The following PLD6 variants were observed in gnomAD, a reference collection of about 807,000 sequenced individuals.
PLD6 encodes the protein mitochondrial cardiolipin hydrolase.
In PLD6, 10 loss-of-function variants were observed where a neutral mutation model predicts 9.7. The observed-to-expected ratio is 1.03, with a 90% CI of 0.64 to 1.75. The LOEUF (loss-of-function observed/expected upper bound fraction) is 1.75. Among genes scored for constraint, PLD6 ranks in the 40% most tolerant of loss-of-function variants. The probability of loss-of-function intolerance (pLI) is 0.00; values close to 1 mark genes in which losing one functional copy is unlikely to be tolerated. For missense variants in PLD6, 334 were observed against 347.6 expected, an observed-to-expected ratio of 0.96 and a Z score of 0.31; for synonymous variants, 152 against 159.2, an observed-to-expected ratio of 0.96 and a Z score of 0.34.
Position 17,202,357 on chromosome 17 carries a change from A to C in PLD6, c.*410T>G. On this transcript the variant is annotated 3_prime_UTR_variant, in exon 2 of 2. Coordinates refer to ENST00000321560, the MANE Select transcript of PLD6 (RefSeq NM_178836.4). ...GGCCCCAACCAACCCCAGTCGTGCC[A>C]CATGGAGAGAGGGATGAAATCTCAG... 5.1e-6 allele frequency: 1 copy of C among 195,986 alleles called. No homozygotes were observed. Among genetic ancestry groups the C allele is most frequent in the Non-Finnish European group, 1.1e-5 (1 of 93,330 alleles). The allele number at this position is 195,986 out of a possible 1,614,324, so 12.1% of individuals were successfully genotyped here. A position where few individuals can be genotyped will look rare whatever the true frequency, so the allele number is the denominator to read the frequency against.
chr17:17,205,758 C>T, intron 1 of PLD6, 102 bp downstream of exon 1: 1 of 1,352,514 alleles, frequency 7.4e-7, no homozygotes, highest in Non-Finnish European at 1.0e-6. Flanking sequence ...TAAATGAGGC[C>T]TCAGCCCGTC....
chr17:17,202,802 T>C lies in PLD6; in HGVS notation c.724A>G (p.Arg242Gly). ...RAGGRLLSWH[R>G]TCGTSSESQT ...CTTTCGCTGGAGGTGCCGCAAGTTC[T>C]GTGCCATGAAAGCAATCTCCCTCCA... is the stretch of plus-strand genomic sequence containing the variant. The change falls in exon 2 of 2, where the codon AGA becomes GGA. Residue 242 changes from arginine (R) to glycine (G), a missense_variant. Arg to Gly is a moderately radical substitution (Grantham distance 125). Coordinates refer to ENST00000321560, the MANE Select transcript of PLD6 (RefSeq NM_178836.4). 1 of 1,614,184 alleles carries C rather than the reference T, an allele frequency of 6.2e-7. No individual in the cohort carries two copies. Among genetic ancestry groups the C allele is most frequent in the Non-Finnish European group, 8.5e-7 (1 of 1,180,032 alleles).
At position 17,201,463 on chromosome 17, in the gene PLD6, G is replaced by A. The variant is rs945905810; in HGVS notation, c.*1304C>T. On this transcript the variant is annotated 3_prime_UTR_variant, in exon 2 of 2. Transcript: ENST00000321560. ...TAACCTGGAACATTTCACAGTGTAC[G>A]ACACCTGTTCTACCTGGGAATGCAA... 5 of 152,192 alleles carry A rather than the reference G, an allele frequency of 3.3e-5. No homozygotes were observed. Among genetic ancestry groups the A allele is most frequent in the Admixed American group, 6.5e-5 (1 of 15,274 alleles). 9.4% of individuals were successfully genotyped at this position (152,192 alleles called of 1,614,324 possible). A position where few individuals can be genotyped will look rare whatever the true frequency, so the allele number is the denominator to read the frequency against.
At chr17:17,204,729 G>C (rs1022111097) in intron 1 of PLD6, among the ~76,000 whole-genome samples, 1 of 152,212 alleles carries the variant, frequency 6.6e-6, no homozygotes, top group Non-Finnish European at 1.5e-5. Flanking sequence ...CAAACCTCCC[G>C]TTAAAATGAC....
rs12946521 is a variant in PLD6 at position 17,206,294 on chromosome 17, C to T, written c.-8G>A. On this transcript the variant is annotated 5_prime_UTR_variant, in exon 1 of 2. Coordinates refer to ENST00000321560, the MANE Select transcript of PLD6 (RefSeq NM_178836.4). ...CCAACTCAACCGTCCCATGCCGCCG[C>T]TAATCCGGGACCCACAGCCACGCCG... 2 of 1,525,092 alleles carry T rather than the reference C, an allele frequency of 1.3e-6. No homozygotes were observed. Among genetic ancestry groups the T allele is most frequent in the Non-Finnish European group, 1.7e-6 (2 of 1,147,532 alleles). 94.5% of individuals were successfully genotyped at this position (1,525,092 alleles called of 1,614,324 possible).
rs764739912 is a variant in PLD6 at position 17,202,830 on chromosome 17, T to C, written c.696A>G (p.Arg232=). Residue 232 remains arginine (R), a synonymous_variant, in exon 2 of 2, where the codon AGA becomes AGG. Transcript: ENST00000321560. The part of the protein sequence containing the change: ...SHGSCAPPVS[R]AGGRLLSWHR... The stretch of plus-strand genomic sequence containing the variant: ...GCCATGAAAGCAATCTCCCTCCAGC[T>C]CTGGAGACAGGTGGGGCACAGCTTC... 2 of 1,614,182 alleles carry C rather than the reference T, an allele frequency of 1.2e-6. No individual in the cohort carries two copies. Among genetic ancestry groups the C allele is most frequent in the Non-Finnish European group, 1.7e-6 (2 of 1,180,032 alleles).
intron 1 of PLD6, among the ~76,000 whole-genome samples, chr17:17,203,621 AC>A (rs565708739): frequency 1.3e-5 from 2 of 151,690 alleles, no homozygotes; most frequent in Non-Finnish European, 2.9e-5. Flanking sequence ...CCTCTTCCGC[AC>A]CCCCCTGCTT....
intron 1 of PLD6, among the ~76,000 whole-genome samples, chr17:17,204,099 T>C (rs1400420193): frequency 6.6e-6 from 1 of 151,992 alleles, no homozygotes; most frequent in Non-Finnish European, 1.5e-5. Flanking sequence ...CTCCACACGG[T>C]GGGCAATGTA....
rs1441801051 is a variant in PLD6 at position 17,201,018 on chromosome 17, TCAGATGTGC to T, written c.*1740_*1748del. On this transcript the variant is annotated 3_prime_UTR_variant, in exon 2 of 2. Transcript: ENST00000321560. ...CATTCCAGAATAAGAACATGTTTAT[TCAGATGTGC>T]CAGAAGTCCAGGGTCACGCGGCTTC... 1 of 152,218 alleles carries T rather than the reference TCAGATGTGC, an allele frequency of 6.6e-6. No individual in the cohort carries two copies. The highest frequency in any genetic ancestry group is 1.9e-4 in the East Asian group (1 of 5,200). The allele number at this position is 152,218 out of a possible 1,614,324, so 9.4% of individuals were successfully genotyped here. A position where few individuals can be genotyped will look rare whatever the true frequency, so the allele number is the denominator to read the frequency against.
intron 1 of PLD6, chr17:17,204,277 A>G (rs1328299697): frequency 1.3e-5 from 2 of 152,446 alleles, no homozygotes; most frequent in Admixed American, 6.5e-5. Flanking sequence ...TTCCAGCCGC[A>G]TGCCTCTCCC....
At chr17:17,204,990 ATC>A (rs2144782030) in intron 1 of PLD6, among the ~76,000 whole-genome samples, 1 of 152,120 alleles carries the variant, frequency 6.6e-6, no homozygotes, top group African/African-American at 2.4e-5. Context: ...GGCTCCACAC[ATC>A]TCTCGGTCAC....
At position 17,206,187 on chromosome 17, in the gene PLD6, G is replaced by T. The variant is rs1440917820; in HGVS notation, c.100C>A (p.Arg34=). ...AGCGCCTCGCGCCGCGGCCGCCGCCGCCTGGACCGCAGCCAGCGCAGCACC... is the reference window on the plus strand; with the variant it reads ...AGCGCCTCGCGCCGCGGCCGCCGCCTCCTGGACCGCAGCCAGCGCAGCACC... ...PWVLRWLRSR[R]RRPRREALFF... Residue 34 remains arginine (R), a synonymous_variant, in exon 1 of 2, where the codon CGG becomes AGG. Transcript: ENST00000321560. 11 of 1,516,126 alleles carry T rather than the reference G, an allele frequency of 7.3e-6. No individual in the cohort carries two copies. The highest frequency in any genetic ancestry group is 8.8e-6 in the Non-Finnish European group (10 of 1,140,838). 93.9% of individuals were successfully genotyped at this position (1,516,126 alleles called of 1,614,324 possible).
rs986372633 is a variant in PLD6 at position 17,201,589 on chromosome 17, C to T, written c.*1178G>A. The T allele has an allele frequency of 1.1e-4, 16 of 152,310 alleles. No individual in the cohort carries two copies. Among genetic ancestry groups the T allele is most frequent in the African/African-American group, 3.4e-4 (14 of 41,450 alleles). The allele number at this position is 152,310 out of a possible 1,614,324, so 9.4% of individuals were successfully genotyped here. A position where few individuals can be genotyped will look rare whatever the true frequency, so the allele number is the denominator to read the frequency against. ...TCTCCTCCGGTCCCGTGATGGGTTA[C>T]GCTGAGCCAGCAATGTGCACGCACT... is the stretch of plus-strand genomic sequence containing the variant. On this transcript the variant is annotated 3_prime_UTR_variant, in exon 2 of 2. Coordinates refer to ENST00000321560, the MANE Select transcript of PLD6 (RefSeq NM_178836.4).
chr17:17,202,591 G>T lies in PLD6; in HGVS notation c.*176C>A. 2 of 666,724 alleles carry T rather than the reference G, an allele frequency of 3.0e-6. No individual in the cohort carries two copies. Among genetic ancestry groups the T allele is most frequent in the Non-Finnish European group, 5.0e-6 (2 of 399,848 alleles). The allele number at this position is 666,724 out of a possible 1,614,324, so 41.3% of individuals were successfully genotyped here. A position where few individuals can be genotyped will look rare whatever the true frequency, so the allele number is the denominator to read the frequency against. On this transcript the variant is annotated 3_prime_UTR_variant, in exon 2 of 2. Transcript: ENST00000321560. Reference sequence around the variant, plus strand: ...ATTTTGGCAAAGGAGCAAGAAAAAGGTCTGGCCCGAAATAACTGACCCGAA... The same window carrying T: ...ATTTTGGCAAAGGAGCAAGAAAAAGTTCTGGCCCGAAATAACTGACCCGAA...
At chr17:17,204,939 C>A (rs2046704160) in intron 1 of PLD6, among the ~76,000 whole-genome samples, 1 of 152,186 alleles carries the variant, frequency 6.6e-6, no homozygotes, top group South Asian at 2.1e-4. Flanking sequence ...GCAGAAGGAA[C>A]AGCGCGGCGG....
In PLD6 at chr17:17,202,484, T is replaced by A. The variant is rs1212056757; in HGVS notation, c.*283A>T. The A allele has an allele frequency of 2.4e-6, 1 of 421,450 alleles. No individual in the cohort carries two copies. The highest frequency in any genetic ancestry group is 2.0e-5 in the African/African-American group (1 of 50,348). The allele number at this position is 421,450 out of a possible 1,614,324, so 26.1% of individuals were successfully genotyped here. On this transcript the variant is annotated 3_prime_UTR_variant, in exon 2 of 2. Coordinates refer to ENST00000321560, the MANE Select transcript of PLD6 (RefSeq NM_178836.4). ...TGGAAGAGGCACTGTGCCTTTTCTG[T>A]GCTGTAGCAGAAGTTTCGATTCCAA...
At chr17:17,203,573 C>CA (rs1258407940) in intron 1 of PLD6, among the ~76,000 whole-genome samples, 2 of 104,458 alleles carry the variant, frequency 1.9e-5, no homozygotes, top group African/African-American at 7.6e-5. Flanking sequence ...GCCACCAAGG[C>CA]AGGAAGGGCC....
Position 17,206,149 on chromosome 17 carries a change from A to G in PLD6, c.138T>C (p.Ser46=). The part of the protein sequence containing the change: ...RPRREALFFP[S]QVTCTEALLR... ...GCAGGGCCTCGGTACAGGTCACCTG[A>G]GACGGGAAGAACAGCGCCTCGCGCC... Residue 46 remains serine, a synonymous_variant, in exon 1 of 2, where the codon TCT becomes TCC. Transcript: ENST00000321560. 7 of 1,504,264 alleles carry G rather than the reference A, an allele frequency of 4.7e-6. No individual in the cohort carries two copies. Among genetic ancestry groups the G allele is most frequent in the African/African-American group, 1.4e-5 (1 of 69,098 alleles). The allele number at this position is 1,504,264 out of a possible 1,614,324, so 93.2% of individuals were successfully genotyped here.
Position 17,205,984 on chromosome 17 carries a change from GA to G in PLD6, c.302del (p.Phe101SerfsTer158). 6.4e-7 allele frequency: 1 copy of G among 1,553,738 alleles called. No homozygotes were observed. Among genetic ancestry groups the G allele is most frequent in the Non-Finnish European group, 8.7e-7 (1 of 1,151,290 alleles). On this transcript the variant is annotated frameshift_variant, in exon 1 of 2. Transcript: ENST00000321560. LOFTEE classifies it high-confidence loss of function. The part of the protein sequence containing the change: ...RASLDLCLFA[F>X]SSPQLGRAVQ... ...CGGCGCGGCCCAGCTGCGGGCTGGA[GA>G]AGGCGAACAGGCAGAGATCCAGGCT...
Sources: gnomAD v4.1 joint callset for allele counts (sites outside exome capture counted in the v4.1 genomes callset) on GRCh38, gnomAD v4.1.1 for gene constraint, MANE v1.5 for transcripts, NCBI Gene and HGNC (gene_info 2026-07-23, HGNC 2026-07-21) for gene names.